Variants in CSRNP3 observed in about 807,000 individuals in gnomAD.
The protein encoded by CSRNP3 is cysteine and serine rich nuclear protein 3.
Under a neutral mutation model 48.0 loss-of-function variants are expected in CSRNP3, and 12 were observed. That is an observed-to-expected ratio of 0.25 (90% CI 0.16 to 0.41). The LOEUF (loss-of-function observed/expected upper bound fraction) is 0.41. CSRNP3 is among the 10% of genes least tolerant of loss of function. The probability of loss-of-function intolerance (pLI) is 1.00; values close to 1 mark genes in which losing one functional copy is unlikely to be tolerated. For synonymous variants in CSRNP3, 263 were observed against 269.7 expected (o/e 0.98, Z 0.24); for missense variants, 580 against 724.4 (o/e 0.80, Z 2.29).
chr2:165,585,251 A>G (rs1265009473), intron 3 of CSRNP3, among the ~76,000 whole-genome samples: 2 of 149,520 alleles, frequency 1.3e-5, no homozygotes, highest in Admixed American at 1.3e-4. Context: ...TTTCTTGAAT[A>G]TTGTAATAAA....
In CSRNP3 at chr2:165,682,317, T is replaced by C. The variant is rs1196162592; in HGVS notation, c.*2564T>C. ...GAAAGTCACTGCCCTGTGAGAAGAA[T>C]TACCCTTCCAATCATGACAGCTTCT... is the stretch of plus-strand genomic sequence containing the variant. On this transcript the variant is annotated 3_prime_UTR_variant, in exon 7 of 7. Transcript: ENST00000651982. The C allele has an allele frequency of 6.6e-6, 1 of 152,050 alleles. No homozygotes were observed. Among genetic ancestry groups the C allele is most frequent in the African/African-American group, 2.4e-5 (1 of 41,408 alleles). The allele number at this position is 152,050 out of a possible 1,614,324, so 9.4% of individuals were successfully genotyped here. A position where few individuals can be genotyped will look rare whatever the true frequency, so the allele number is the denominator to read the frequency against.
At chr2:165,637,403 C>T (rs1414550835) in intron 4 of CSRNP3, among the ~76,000 whole-genome samples, 2 of 152,148 alleles carry the variant, frequency 1.3e-5, no homozygotes, top group Non-Finnish European at 2.9e-5. Context: ...AATTGTATAC[C>T]TGGCATCACT....
At chr2:165,658,385 A>T (rs946575636) in intron 5 of CSRNP3, among the ~76,000 whole-genome samples, 1 of 152,222 alleles carries the variant, frequency 6.6e-6, no homozygotes, top group African/African-American at 2.4e-5. Context: ...TAAAAGCACA[A>T]CTTCATTGAG....
rs531099290 is a variant in CSRNP3, at chr2:165,532,140, G to A, written c.-24+14179G>A. Among the ~76,000 whole-genome samples the A allele has an allele frequency of 8.1e-4, 124 of 152,262 alleles. 1 individual carries two copies. The highest frequency in any genetic ancestry group is 2.2e-3 in the African/African-American group (92 of 41,546). ...AATTCTACCAGAGGTACAAAGAGGA[G>A]CTGGTACCATTCCTTCTGAAACTAT... is the stretch of plus-strand genomic sequence containing the variant. On this transcript the variant is annotated intron_variant, in intron 3 of 6. Transcript: ENST00000651982.
rs554514082 is a variant in CSRNP3, at chr2:165,551,779, C to T, written c.-24+33818C>T. Among the ~76,000 whole-genome samples the T allele has an allele frequency of 1.2e-3, 177 of 151,730 alleles. 2 individuals carry two copies. The highest frequency in any genetic ancestry group is 4.1e-3 in the African/African-American group (169 of 41,372). Reference sequence around the variant, plus strand: ...GCTTCTTGTAGCAAAAAAGAATATACGAATTATTAAAAAAAAAAATCTCAG... The same window carrying T: ...GCTTCTTGTAGCAAAAAAGAATATATGAATTATTAAAAAAAAAAATCTCAG... On this transcript the variant is annotated intron_variant, in intron 3 of 6. Coordinates refer to ENST00000651982, the MANE Select transcript of CSRNP3 (RefSeq NM_001172173.2).
rs543093970 is a variant in CSRNP3 at position 165,509,860 on chromosome 2, A to C, written c.-112-8013A>C. ...GGATACCACATTGAATTCGGTCATC[A>C]TGTCTCCTTAGTCTCACTGAGGTGT... On this transcript the variant is annotated intron_variant, in intron 2 of 6. Transcript: ENST00000651982. Among the ~76,000 whole-genome samples the C allele has an allele frequency of 1.2e-4, 18 of 152,292 alleles. No individual in the cohort carries two copies. The South Asian group carries it at 3.7e-3, about 32-fold the overall frequency.
rs544267094 is a variant in CSRNP3 at position 165,566,078 on chromosome 2, T to G, written c.-23-28965T>G. Among the ~76,000 whole-genome samples, 4 of 152,080 alleles carry G rather than the reference T, an allele frequency of 2.6e-5. No individual in the cohort carries two copies. In the East Asian group the frequency reaches 7.7e-4, roughly 29 times the overall value. Reference sequence around the variant, plus strand: ...CAAACCCTCTGTCAAATTCATTCTTTTAAGAGTCTCCTGAGTTATTTAATA... The same window carrying G: ...CAAACCCTCTGTCAAATTCATTCTTGTAAGAGTCTCCTGAGTTATTTAATA... On this transcript the variant is annotated intron_variant, in intron 3 of 6. Coordinates refer to ENST00000651982, the MANE Select transcript of CSRNP3 (RefSeq NM_001172173.2).
Position 165,678,707 on chromosome 2 carries a change from C to G in CSRNP3, c.712C>G (p.Arg238Gly). The change falls in exon 7 of 7, where the codon CGT becomes GGT. Residue 238 changes from arginine (R) to glycine (G), a missense_variant. This residue lies in a region of CSRNP3 where 66 missense variants were observed against 137.6 expected (regional missense o/e 0.48). Transcript: ENST00000651982. ...SLAGIKCQVD[R>G]MSFPCGCTKE... The stretch of plus-strand genomic sequence containing the variant: ...CTGTGTTCTTCCTTCCAAGGTGGAT[C>G]GTATGTCTTTCCCATGCGGCTGCAC... The G allele has an allele frequency of 6.2e-7, 1 of 1,612,890 alleles. No homozygotes were observed. Among genetic ancestry groups the G allele is most frequent in the Non-Finnish European group, 8.5e-7 (1 of 1,179,344 alleles).
At chr2:165,487,950 A>C (rs1359895558) in intron 1 of CSRNP3, among the ~76,000 whole-genome samples, 1 of 138,378 alleles carries the variant, frequency 7.2e-6, no homozygotes, top group Admixed American at 7.3e-5. Flanking sequence ...TAACAATATT[A>C]ACTTTAAATG....
chr2:165,665,621 G>A (rs144829763), intron 5 of CSRNP3, among the ~76,000 whole-genome samples: 127 of 152,076 alleles, frequency 8.4e-4, no homozygotes, highest in Non-Finnish European at 1.5e-3. Context: ...ATTTAGCTGG[G>A]CAGTTGCATG....
intron 4 of CSRNP3, among the ~76,000 whole-genome samples, chr2:165,617,409 T>A (rs962457612): frequency 6.6e-6 from 1 of 151,700 alleles, no homozygotes; most frequent in African/African-American, 2.4e-5. Flanking sequence ...GTCCATATGA[T>A]TTCCTTGGCT....
chr2:165,533,286 G>A (rs1210723045), intron 3 of CSRNP3, among the ~76,000 whole-genome samples: 4 of 152,052 alleles, frequency 2.6e-5, no homozygotes, highest in African/African-American at 4.8e-5. Context: ...ATGAATAACA[G>A]TTGTAAATAC....
At chr2:165,632,161 G>A (rs931595596) in intron 4 of CSRNP3, among the ~76,000 whole-genome samples, 1 of 152,168 alleles carries the variant, frequency 6.6e-6, no homozygotes, top group Non-Finnish European at 1.5e-5. Flanking sequence ...TATTAATTCT[G>A]AATTTAGTGT....
At chr2:165,471,949 C>T (rs1683900403) in intron 1 of CSRNP3, among the ~76,000 whole-genome samples, 1 of 151,956 alleles carries the variant, frequency 6.6e-6, no homozygotes, top group African/African-American at 2.4e-5. Context: ...GTAAGGCTTT[C>T]AGTGAGAAAT....
At chr2:165,632,328 C>A (rs1259992067) in intron 4 of CSRNP3, among the ~76,000 whole-genome samples, 1 of 151,928 alleles carries the variant, frequency 6.6e-6, no homozygotes, top group African/African-American at 2.4e-5. Context: ...TCAAGACCAG[C>A]CTGGGCAACA....
chr2:165,629,580 C>G (rs1377306217), intron 4 of CSRNP3, among the ~76,000 whole-genome samples: 1 of 152,116 alleles, frequency 6.6e-6, no homozygotes, highest in Admixed American at 6.5e-5. Flanking sequence ...TGCGACTTGT[C>G]CCAGGTCATT....
chr2:165,486,075 C>T (rs910501634), intron 1 of CSRNP3, among the ~76,000 whole-genome samples: 1 of 151,952 alleles, frequency 6.6e-6, no homozygotes, highest in South Asian at 2.1e-4. Context: ...TGGGCGCAGG[C>T]CAGTGGGTGC....
At chr2:165,540,580 C>T (rs1231841996) in intron 3 of CSRNP3, among the ~76,000 whole-genome samples, 2 of 152,200 alleles carry the variant, frequency 1.3e-5, no homozygotes, top group African/African-American at 2.4e-5. Flanking sequence ...ATTCTCTGCA[C>T]ACTAAGCCCT....
chr2:165,560,741 C>T (rs1321471613), intron 3 of CSRNP3, among the ~76,000 whole-genome samples: 1 of 152,206 alleles, frequency 6.6e-6, no homozygotes, highest in African/African-American at 2.4e-5. Context: ...AAAAGCAAAG[C>T]TCAAAATATC....
Sources: allele counts gnomAD v4.1 joint callset (sites outside exome capture counted in the v4.1 genomes callset), GRCh38; gene constraint gnomAD v4.1.1; regional missense constraint gnomAD v4.1.1; transcripts MANE v1.5; gene names NCBI Gene and HGNC (gene_info 2026-07-23, HGNC 2026-07-21).